The following SGCZ variants were observed in gnomAD, a reference collection of about 807,000 sequenced individuals.
The protein encoded by SGCZ is zeta-sarcoglycan.
A neutral mutation model predicts 41.3 loss-of-function variants in SGCZ; 40 were observed. That is an observed-to-expected ratio of 0.97 (90% CI 0.75 to 1.26). The LOEUF (loss-of-function observed/expected upper bound fraction) is 1.26, where lower values mean the gene tolerates loss of function less well. Among genes scored for constraint, SGCZ ranks in the 50% most tolerant of loss-of-function variants. The pLI is 0.00. For missense variants in SGCZ, 552 were observed against 369.8 expected, an observed-to-expected ratio of 1.49 and a Z score of -4.04; for synonymous variants, 206 against 137.5, an observed-to-expected ratio of 1.50 and a Z score of -3.49.
chr8:15,199,969 T>A (rs1378493473), intron 1 of SGCZ, among the ~76,000 whole-genome samples: 1 of 152,184 alleles, frequency 6.6e-6, no homozygotes, highest in African/African-American at 2.4e-5. Flanking sequence ...TAGGGAAGAA[T>A]GATAGCACCT....
chr8:15,159,558 T>C (rs1413803675), intron 1 of SGCZ, among the ~76,000 whole-genome samples: 3 of 152,174 alleles, frequency 2.0e-5, no homozygotes, highest in South Asian at 2.1e-4. Flanking sequence ...TTGGAGGATA[T>C]GCAGCTTGTG....
chr8:15,064,837 G>C (rs1338657282), intron 1 of SGCZ, among the ~76,000 whole-genome samples: 4 of 152,108 alleles, frequency 2.6e-5, no homozygotes, highest in Non-Finnish European at 5.9e-5. Context: ...CTCAGTTACT[G>C]GCTTTCTGTG....
intron 1 of SGCZ, among the ~76,000 whole-genome samples, chr8:14,831,782 A>G (rs76328868): frequency 5.3e-5 from 1 of 18,872 alleles, no homozygotes; most frequent in Non-Finnish European, 1.7e-4. Flanking sequence ...ACACACACGT[A>G]TATATGTGTG....
chr8:14,964,056 A>G (rs982162466), intron 1 of SGCZ, among the ~76,000 whole-genome samples: 2 of 152,224 alleles, frequency 1.3e-5, no homozygotes, highest in African/African-American at 4.8e-5. Context: ...AAATAAATTG[A>G]TCTTATAAGC....
chr8:14,637,033 C>A (rs1473686507), intron 1 of SGCZ, among the ~76,000 whole-genome samples: 1 of 151,712 alleles, frequency 6.6e-6, no homozygotes, highest in Non-Finnish European at 1.5e-5. Flanking sequence ...GCCTTCATTG[C>A]AATCTCCTAT....
chr8:14,895,155 G>T (rs1805148136), intron 1 of SGCZ, among the ~76,000 whole-genome samples: 1 of 152,146 alleles, frequency 6.6e-6, no homozygotes, highest in African/African-American at 2.4e-5. Flanking sequence ...TAATCGTTTA[G>T]TAAGTTAATA....
chr8:15,225,288 A>G (rs1003718813), intron 1 of SGCZ, among the ~76,000 whole-genome samples: 13 of 151,790 alleles, frequency 8.6e-5, no homozygotes, highest in African/African-American at 3.2e-4. Flanking sequence ...GCAGCTAAAT[A>G]TCCAAAGTGT....
intron 1 of SGCZ, among the ~76,000 whole-genome samples, chr8:15,189,996 A>G (rs974935758): frequency 3.9e-5 from 6 of 152,114 alleles, no homozygotes; most frequent in African/African-American, 1.4e-4. Context: ...CCTAGCTTCA[A>G]CACATTATCT....
intron 1 of SGCZ, among the ~76,000 whole-genome samples, chr8:14,595,665 C>T (rs1436127286): frequency 2.6e-5 from 4 of 152,138 alleles, no homozygotes; most frequent in South Asian, 2.1e-4. Context: ...AAATGCTTCA[C>T]GTCTAAAACT....
At chr8:14,901,554 T>C (rs1220493841) in intron 1 of SGCZ, among the ~76,000 whole-genome samples, 1 of 152,166 alleles carries the variant, frequency 6.6e-6, no homozygotes, top group Non-Finnish European at 1.5e-5. Flanking sequence ...GGATGCTGTA[T>C]CTGTAAAATG....
intron 1 of SGCZ, among the ~76,000 whole-genome samples, chr8:14,841,218 A>G (rs1305619757): frequency 6.6e-6 from 1 of 152,164 alleles, no homozygotes; most frequent in African/African-American, 2.4e-5. Context: ...TATGGGCTGT[A>G]TCAACCATCA....
At chr8:14,223,384 G>A (rs556947390) in intron 4 of SGCZ, among the ~76,000 whole-genome samples, 182 of 151,904 alleles carry the variant, frequency 1.2e-3, no homozygotes, top group Non-Finnish European at 2.0e-3. Flanking sequence ...TAGAGAGAAC[G>A]GATAACTTTA....
chr8:14,212,678 A>G (rs1355508697), intron 4 of SGCZ, among the ~76,000 whole-genome samples: 2 of 152,158 alleles, frequency 1.3e-5, no homozygotes, highest in Non-Finnish European at 2.9e-5. Context: ...ATTACTCATC[A>G]TAGCAAGAAG....
chr8:14,674,928 G>GCTTTTTTT lies in SGCZ; in HGVS notation c.40-120003_40-120002insAAAAAAAG, dbSNP rs1554478141. Among the ~76,000 whole-genome samples the GCTTTTTTT allele has an allele frequency of 2.1e-3, 149 of 71,004 alleles. 16 individuals carry two copies. The highest frequency in any genetic ancestry group is 5.2e-3 in the African/African-American group (102 of 19,694). The allele number at this position is 71,004 out of a possible 152,430, so 46.6% of individuals were successfully genotyped here. A position where few individuals can be genotyped will look rare whatever the true frequency, so the allele number is the denominator to read the frequency against. On this transcript the variant is annotated intron_variant, in intron 1 of 7. Coordinates refer to ENST00000382080, the MANE Select transcript of SGCZ (RefSeq NM_139167.4). ...GCCAATTTAACCTCTTTTCTTTTCT[G>GCTTTTTTT]TTTTTTTTTTTTTTTTTTTTTTTTT...
chr8:14,949,654 C>T (rs563312323), intron 1 of SGCZ, among the ~76,000 whole-genome samples: 1 of 152,172 alleles, frequency 6.6e-6, no homozygotes, highest in Non-Finnish European at 1.5e-5. Context: ...GGTCATTTTG[C>T]TGGCACATTT....
intron 5 of SGCZ, among the ~76,000 whole-genome samples, chr8:14,109,177 T>G (rs1317776642): frequency 1.3e-5 from 2 of 152,204 alleles, no homozygotes; most frequent in Non-Finnish European, 2.9e-5. Context: ...TCTGGTGTTA[T>G]AGTTGGTTTC....
chr8:14,171,273 T>C (rs936182583), intron 4 of SGCZ, among the ~76,000 whole-genome samples: 1 of 152,014 alleles, frequency 6.6e-6, no homozygotes, highest in African/African-American at 2.4e-5. Context: ...TCATACTTCA[T>C]TTTTCTTTCT....
At chr8:14,647,881 C>T (rs78076666) in intron 1 of SGCZ, among the ~76,000 whole-genome samples, 11,603 of 151,954 alleles carry the variant, frequency 0.076, 743 homozygotes, top group African/African-American at 0.18. Context: ...TTCTGTGACC[C>T]TTACGACAAC....
intron 5 of SGCZ, among the ~76,000 whole-genome samples, chr8:14,151,955 T>A (rs1803722682): frequency 6.6e-6 from 1 of 152,054 alleles, no homozygotes; most frequent in African/African-American, 2.4e-5. Context: ...TATCATAGAC[T>A]TTAATGTAAA....
Sources: gnomAD v4.1 joint callset for allele counts (sites outside exome capture counted in the v4.1 genomes callset) on GRCh38, gnomAD v4.1.1 for gene constraint, MANE v1.5 for transcripts, NCBI Gene and HGNC (gene_info 2026-07-23, HGNC 2026-07-21) for gene names.